Variants in ANKRD11 observed in about 807,000 individuals in gnomAD.
ANKRD11 encodes ankyrin repeat domain 11.
ANKRD11 carries 17 observed loss-of-function variants against 195.7 expected under a neutral mutation model. The observed-to-expected ratio is 0.09, with a 90% CI of 0.06 to 0.13. The LOEUF is 0.13. ANKRD11 is among the 10% of genes least tolerant of loss of function. The pLI is 1.00. For synonymous variants in ANKRD11, 1,953 were observed against 1,528.1 expected (o/e 1.28, Z -6.49); for missense variants, 3,735 against 3,566.1 (o/e 1.05, Z -1.21).
intron 2 of ANKRD11, among the ~76,000 whole-genome samples, chr16:89,332,221 A>C (rs2038103530): frequency 6.6e-6 from 1 of 152,220 alleles, no homozygotes; most frequent in African/African-American, 2.4e-5. Context: ...GAATCCTCAC[A>C]ATAAAGGATC....
intron 2 of ANKRD11, among the ~76,000 whole-genome samples, chr16:89,361,197 C>T (rs1219207853): frequency 1.3e-5 from 2 of 152,230 alleles, no homozygotes; most frequent in African/African-American, 2.4e-5. Context: ...ACCACCTCTG[C>T]GCACCCCTTA....
chr16:89,291,207 GGGA>G lies in ANKRD11; in HGVS notation c.227-27_227-25del. On this transcript the variant is annotated intron_variant, in intron 4 of 12. Transcript: ENST00000301030. The surrounding 1 kb of genome is among the most constrained non-coding windows in gnomAD (Gnocchi z 5.3). ...CTCTGTGAGGCGGGCGAGGGAGAGAGGGAGGAGAGATTTCATGCCATGGTGTCC... is the reference window on the plus strand; with the variant it reads ...CTCTGTGAGGCGGGCGAGGGAGAGAGGGAGAGATTTCATGCCATGGTGTCC... 1 of 1,611,566 alleles carries G rather than the reference GGGA, an allele frequency of 6.2e-7. No individual in the cohort carries two copies. Among genetic ancestry groups the G allele is most frequent in the South Asian group, 1.1e-5 (1 of 91,076 alleles).
Position 89,284,528 on chromosome 16 carries a change from T to G in ANKRD11, c.2014A>C (p.Ile672Leu). 1.2e-6 allele frequency: 2 copies of G among 1,614,180 alleles called. No individual in the cohort carries two copies. The highest frequency in any genetic ancestry group is 2.2e-5 in the East Asian group (1 of 44,880). Residue 672 changes from isoleucine (I) to leucine (L), a missense_variant, in exon 9 of 13, where the codon ATA becomes CTA. Coordinates refer to ENST00000301030, the MANE Select transcript of ANKRD11 (RefSeq NM_013275.6). The part of the protein sequence containing the change: ...EDSKQKSDKA[I>L]LLENDLSTEN... ...GTGGAAAGATCATTCTCTAACAGTA[T>G]AGCCTTATCTGACTTCTGCTTGGAG...
intron 1 of ANKRD11, among the ~76,000 whole-genome samples, chr16:89,477,956 C>T (rs138028502): frequency 6.6e-6 from 1 of 152,110 alleles, no homozygotes; most frequent in African/African-American, 2.4e-5. Flanking sequence ...GACTCCATCT[C>T]AAAAATAATA....
chr16:89,440,503 G>T (rs1246434691), intron 1 of ANKRD11, among the ~76,000 whole-genome samples: 2 of 152,076 alleles, frequency 1.3e-5, no homozygotes, highest in African/African-American at 4.8e-5. Flanking sequence ...GTAGTCCCAG[G>T]CACTCAGGAG....
rs1188526996 is a variant in ANKRD11, at chr16:89,326,856, G to A, written c.-59-9778C>T. Among the ~76,000 whole-genome samples the A allele has an allele frequency of 3.3e-5, 5 of 152,322 alleles. No homozygotes were observed. In the East Asian group the frequency reaches 7.7e-4, roughly 24 times the overall value. On this transcript the variant is annotated intron_variant, in intron 2 of 12. Transcript: ENST00000301030. Reference sequence around the variant, plus strand: ...AAGGGGCTTAACACAAAGCCTGCCCGCCAGGGGCTGCTGGTGGCATCCGGG... The same window carrying A: ...AAGGGGCTTAACACAAAGCCTGCCCACCAGGGGCTGCTGGTGGCATCCGGG...
intron 4 of ANKRD11, chr16:89,301,756 A>C: frequency 2.5e-6 from 1 of 397,596 alleles, no homozygotes; most frequent in Non-Finnish European, 4.4e-6. Flanking sequence ...GGGCTGATTC[A>C]CAACAGACAG....
intron 1 of ANKRD11, among the ~76,000 whole-genome samples, chr16:89,476,484 G>A (rs2057262834): frequency 6.6e-6 from 1 of 152,176 alleles, no homozygotes; most frequent in South Asian, 2.1e-4. Context: ...CCAAAACCTG[G>A]CCAAACCAGG....
At chr16:89,276,464 G>T (rs1437720576) in intron 9 of ANKRD11, among the ~76,000 whole-genome samples, 2 of 152,180 alleles carry the variant, frequency 1.3e-5, no homozygotes, top group Non-Finnish European at 2.9e-5. Context: ...AGGCCTCCAG[G>T]TCACGTCACC....
In ANKRD11 at chr16:89,445,619, C is replaced by A. The variant is rs916367070; in HGVS notation, c.-144-27251G>T. Among the ~76,000 whole-genome samples the A allele has an allele frequency of 2.6e-5, 4 of 152,174 alleles. No homozygotes were observed. The East Asian group carries it at 7.7e-4, about 29-fold the overall frequency. ...CAATGTCCTGCCTGACACCTGAATT[C>A]TTACTCTGATATCTCAACATCCTCT... On this transcript the variant is annotated intron_variant, in intron 1 of 12. Transcript: ENST00000301030.
At chr16:89,345,792 G>A (rs2038911791) in intron 2 of ANKRD11, among the ~76,000 whole-genome samples, 2 of 152,204 alleles carry the variant, frequency 1.3e-5, no homozygotes, top group African/African-American at 4.8e-5. Flanking sequence ...TGCACACCAG[G>A]CTGGGCTTCC....
chr16:89,268,308 A>G lies in ANKRD11; in HGVS notation c.*170T>C. On this transcript the variant is annotated 3_prime_UTR_variant, in exon 13 of 13. Coordinates refer to ENST00000301030, the MANE Select transcript of ANKRD11 (RefSeq NM_013275.6). ...AGAAGAGACGTGTTTCACCTCCCCG[A>G]CGTCTGGACCAGTCTGGAAGGGATG... The G allele has an allele frequency of 2.5e-6, 1 of 400,772 alleles. No individual in the cohort carries two copies. 24.8% of individuals were successfully genotyped at this position (400,772 alleles called of 1,614,324 possible). A position where few individuals can be genotyped will look rare whatever the true frequency, so the allele number is the denominator to read the frequency against.
At chr16:89,337,722 A>G (rs2151985535) in intron 2 of ANKRD11, among the ~76,000 whole-genome samples, 1 of 152,196 alleles carries the variant, frequency 6.6e-6, no homozygotes, top group South Asian at 2.1e-4. Flanking sequence ...TTACAGGCGT[A>G]AGCCACTGTG....
chr16:89,434,929 G>A (rs923049893), intron 1 of ANKRD11, among the ~76,000 whole-genome samples: 2 of 152,220 alleles, frequency 1.3e-5, no homozygotes, highest in Non-Finnish European at 2.9e-5. Context: ...CCATGCGGAT[G>A]GCTAGGTGAA....
At chr16:89,278,872 C>T (rs1226333941) in intron 9 of ANKRD11, 200 bp downstream of exon 9, 1 of 890,062 alleles carries the variant, frequency 1.1e-6, no homozygotes, top group Non-Finnish European at 1.8e-6. Flanking sequence ...GAGGAAGGAC[C>T]TCGGGTCTGC....
intron 12 of ANKRD11, 60 bp downstream of exon 12, chr16:89,270,757 C>A: frequency 1.3e-6 from 2 of 1,551,776 alleles, no homozygotes; most frequent in East Asian, 2.3e-5. Flanking sequence ...TGTCACCACC[C>A]ATCACAGAAC....
At chr16:89,294,511 C>G (rs2035284462) in intron 4 of ANKRD11, among the ~76,000 whole-genome samples, 1 of 152,200 alleles carries the variant, frequency 6.6e-6, no homozygotes, top group African/African-American at 2.4e-5. Context: ...ACCACCCAAG[C>G]TCCGGAGCCC....
intron 4 of ANKRD11, chr16:89,297,733 A>G (rs1212686110): frequency 6.6e-6 from 1 of 152,230 alleles, no homozygotes; most frequent in African/African-American, 2.4e-5. Flanking sequence ...CCCGCTGAGC[A>G]CTGTGAGCCA....
intron 4 of ANKRD11, among the ~76,000 whole-genome samples, chr16:89,304,056 C>G (rs935402131): frequency 2.0e-5 from 3 of 152,202 alleles, no homozygotes; most frequent in Admixed American, 2.0e-4. Flanking sequence ...TCTACTGCCT[C>G]CAACCTTCCC....
Sources: gnomAD v4.1 joint callset for allele counts (sites outside exome capture counted in the v4.1 genomes callset) on GRCh38, gnomAD v4.1.1 for gene constraint, Gnocchi (gnomAD v3.1) non-coding constraint, MANE v1.5 for transcripts, NCBI Gene and HGNC (gene_info 2026-07-23, HGNC 2026-07-21) for gene names.